Variants in ZNF385D observed in about 807,000 individuals in gnomAD.
ZNF385D encodes zinc finger protein 385D, also known as zinc finger protein 659.
A neutral mutation model predicts 35.8 loss-of-function variants in ZNF385D; 15 were observed. The ratio of observed to expected loss-of-function variants is 0.42; its 90% confidence interval spans 0.28 to 0.64. ZNF385D has a LOEUF of 0.64. Among genes scored for constraint, ZNF385D ranks in the 30% least tolerant of loss-of-function variants. The probability of loss-of-function intolerance (pLI) is 0.23; values close to 1 mark genes in which losing one functional copy is unlikely to be tolerated. For missense variants in ZNF385D, 474 were observed against 494.6 expected, an observed-to-expected ratio of 0.96 and a Z score of 0.39; for synonymous variants, 212 against 186.8, an observed-to-expected ratio of 1.13 and a Z score of -1.10.
intron 3 of ZNF385D, among the ~76,000 whole-genome samples, chr3:21,534,246 A>T (rs2061987032): frequency 6.6e-6 from 1 of 152,094 alleles, no homozygotes; most frequent in Admixed American, 6.6e-5. Flanking sequence ...TAACCTGGAA[A>T]AGAACTCCTT....
At chr3:22,248,445 G>A (rs1699901677) in intron 2 of ZNF385D, among the ~76,000 whole-genome samples, 2 of 152,128 alleles carry the variant, frequency 1.3e-5, no homozygotes, top group Non-Finnish European at 2.9e-5. Flanking sequence ...CCTTCATAAA[G>A]AGCTATAGAG....
At chr3:21,865,272 A>G (rs1697285456) in intron 3 of ZNF385D, among the ~76,000 whole-genome samples, 1 of 151,884 alleles carries the variant, frequency 6.6e-6, no homozygotes, top group African/African-American at 2.4e-5. Flanking sequence ...AGATGGAATC[A>G]ATACACAGTG....
chr3:21,959,782 T>C (rs138720505), intron 3 of ZNF385D, among the ~76,000 whole-genome samples: 1 of 152,204 alleles, frequency 6.6e-6, no homozygotes, highest in Non-Finnish European at 1.5e-5. Flanking sequence ...CAAGGCAAAA[T>C]AGAGAATCTG....
chr3:21,980,496 C>A (rs1199920056), intron 3 of ZNF385D, among the ~76,000 whole-genome samples: 2 of 152,128 alleles, frequency 1.3e-5, no homozygotes, highest in Admixed American at 6.6e-5. Flanking sequence ...TAAAACACAA[C>A]AACTCTTGGA....
intron 3 of ZNF385D, among the ~76,000 whole-genome samples, chr3:21,518,742 A>G (rs905930412): frequency 2.0e-5 from 3 of 152,190 alleles, no homozygotes; most frequent in Admixed American, 6.5e-5. Flanking sequence ...TGTCTTCTCT[A>G]CTGCTCTATT....
chr3:22,014,717 T>G (rs1222860979), intron 3 of ZNF385D, among the ~76,000 whole-genome samples: 1 of 151,926 alleles, frequency 6.6e-6, no homozygotes, highest in Non-Finnish European at 1.5e-5. Flanking sequence ...ATACAAGAAA[T>G]AAGAAAGTGC....
intron 2 of ZNF385D, among the ~76,000 whole-genome samples, chr3:22,299,841 G>C (rs1315069213): frequency 2.0e-5 from 3 of 151,806 alleles, no homozygotes; most frequent in Non-Finnish European, 4.4e-5. Context: ...AAGATAACCT[G>C]TGTCCGTAGA....
intron 3 of ZNF385D, among the ~76,000 whole-genome samples, chr3:22,041,093 C>A (rs975953362): frequency 6.6e-6 from 1 of 152,046 alleles, no homozygotes. Flanking sequence ...GGTCAGTTCT[C>A]CCGCTCTGTC....
intron 4 of ZNF385D, among the ~76,000 whole-genome samples, chr3:21,483,999 G>A (rs1032340126): frequency 1.7e-4 from 26 of 152,196 alleles, no homozygotes; most frequent in African/African-American, 5.5e-4. Context: ...AACTGGCATC[G>A]TAATTTGGAC....
chr3:22,368,404 G>C (rs1696751201), intron 2 of ZNF385D, among the ~76,000 whole-genome samples: 1 of 152,028 alleles, frequency 6.6e-6, no homozygotes, highest in Admixed American at 6.6e-5. Flanking sequence ...TCTGCCCCTG[G>C]GTGTCCTTCA....
Position 22,137,498 on chromosome 3 carries a change from G to A in ZNF385D, c.325+31319C>T, listed in dbSNP as rs561863824. Among the ~76,000 whole-genome samples, 62 of 152,292 alleles carry A rather than the reference G, an allele frequency of 4.1e-4. 1 individual carries two copies. Among genetic ancestry groups the A allele is most frequent in the Non-Finnish European group, 1.5e-5 (1 of 68,026 alleles). On this transcript the variant is annotated intron_variant, in intron 3 of 5. Coordinates refer to the ZNF385D transcript ENST00000494108. ...ATGATCAAATGGGCTTCATCCCTGG[G>A]ATGCAAGGCTGGTTCAACATGTGAA...
intron 4 of ZNF385D, among the ~76,000 whole-genome samples, chr3:21,438,624 T>C (rs1701696095): frequency 6.6e-6 from 1 of 152,096 alleles, no homozygotes; most frequent in Non-Finnish European, 1.5e-5. Context: ...GAAGGGCTGT[T>C]GTATAAAAAA....
chr3:21,860,413 AT>A (rs1232115110), intron 3 of ZNF385D, among the ~76,000 whole-genome samples: 1 of 152,156 alleles, frequency 6.6e-6, no homozygotes. Context: ...ATGTTTACAG[AT>A]TAATCAATAT....
At chr3:21,816,115 G>C (rs565875020) in intron 3 of ZNF385D, among the ~76,000 whole-genome samples, 1 of 152,260 alleles carries the variant, frequency 6.6e-6, no homozygotes, top group Non-Finnish European at 1.5e-5. Context: ...AAAGGCCTTT[G>C]ACAAAATTCA....
At chr3:22,031,218 C>T (rs547276760) in intron 3 of ZNF385D, among the ~76,000 whole-genome samples, 1 of 152,184 alleles carries the variant, frequency 6.6e-6, no homozygotes, top group Admixed American at 6.5e-5. Context: ...AGAATGGTAG[C>T]CCTTTTCTCA....
chr3:21,884,286 C>G (rs748286177), intron 3 of ZNF385D, among the ~76,000 whole-genome samples: 1 of 151,996 alleles, frequency 6.6e-6, no homozygotes, highest in Non-Finnish European at 1.5e-5. Context: ...ACAGAGTGTG[C>G]CTTGCAAACA....
At chr3:21,485,528 C>T (rs1202922292) in intron 4 of ZNF385D, among the ~76,000 whole-genome samples, 3 of 152,070 alleles carry the variant, frequency 2.0e-5, no homozygotes, top group Non-Finnish European at 2.9e-5. Flanking sequence ...CATTTCTGCT[C>T]TTGCTAGGTT....
intron 4 of ZNF385D, among the ~76,000 whole-genome samples, chr3:21,476,379 A>G (rs1704249621): frequency 6.6e-6 from 1 of 152,098 alleles, no homozygotes; most frequent in African/African-American, 2.4e-5. Flanking sequence ...CTTGAAAGGG[A>G]TAATTGCCAA....
intron 2 of ZNF385D, among the ~76,000 whole-genome samples, chr3:21,598,388 CAT>C (rs1248846932): frequency 6.6e-6 from 1 of 152,026 alleles, no homozygotes; most frequent in East Asian, 1.9e-4. Flanking sequence ...TTTTAGAAAA[CAT>C]AGAAGCATTT....
Sources: gnomAD v4.1 joint callset for allele counts (sites outside exome capture counted in the v4.1 genomes callset) on GRCh38, gnomAD v4.1.1 for gene constraint, MANE v1.5 for transcripts, NCBI Gene and HGNC (gene_info 2026-07-23, HGNC 2026-07-21) for gene names.